Variants in CLEC1B observed in about 807,000 individuals in gnomAD.
CLEC1B encodes the protein C-type lectin domain family 1 member B.
A neutral mutation model predicts 26.7 loss-of-function variants in CLEC1B; 26 were observed. The ratio of observed to expected loss-of-function variants is 0.97; its 90% CI spans 0.71 to 1.35. The LOEUF (loss-of-function observed/expected upper bound fraction) is 1.35, where lower values mean the gene tolerates loss of function less well. Among genes scored for constraint, CLEC1B ranks in the 40% most tolerant of loss-of-function variants. CLEC1B has a pLI of 0.00. For synonymous variants in CLEC1B, 112 were observed against 96.0 expected, an observed-to-expected ratio of 1.17 and a Z score of -0.97; for missense variants, 293 against 282.6, an observed-to-expected ratio of 1.04 and a Z score of -0.26.
In CLEC1B at chr12:9,993,165, G is replaced by C; in HGVS notation, c.668C>G (p.Thr223Ser). 6.2e-7 allele frequency: 1 copy of C among 1,611,420 alleles called. No individual in the cohort carries two copies. The highest frequency in any genetic ancestry group is 2.2e-5 in the East Asian group (1 of 44,842). Residue 223 changes from threonine (T) to serine (S), a missense_variant, in exon 6 of 6, where the codon ACC becomes AGC. Coordinates refer to ENST00000298527, the MANE Select transcript of CLEC1B (RefSeq NM_016509.4). ...YLMCERKAGMTKVDQLP is the reference protein window; with the variant it reads ...YLMCERKAGMSKVDQLP ...GCATTAAGGTAGTTGGTCCACCTTG[G>C]TCATGCCAGCCTTCCTCTCACACAT...
intron 5 of CLEC1B, 195 bp downstream of exon 5, chr12:9,994,945 T>G (rs1864998829): frequency 1.4e-6 from 2 of 1,410,822 alleles, no homozygotes. Flanking sequence ...GATTGTGGCT[T>G]AGATAAAGAG....
rs910674408 is a variant in CLEC1B, at chr12:9,993,088, A to G, written c.*55T>C. The G allele has an allele frequency of 3.3e-6, 5 of 1,523,136 alleles. 1 individual carries two copies. The highest frequency in any genetic ancestry group is 3.7e-5 in the Admixed American group (2 of 53,658). 94.4% of individuals were successfully genotyped at this position (1,523,136 alleles called of 1,614,324 possible). A position where few individuals can be genotyped will look rare whatever the true frequency, so the allele number is the denominator to read the frequency against. On this transcript the variant is annotated 3_prime_UTR_variant, in exon 6 of 6. Transcript: ENST00000298527. Reference sequence around the variant, plus strand: ...TTCAGCTACTGATGCATTCATACATATCTTTTATTGTACAATAAAGCCCTT... The same window carrying G: ...TTCAGCTACTGATGCATTCATACATGTCTTTTATTGTACAATAAAGCCCTT...
chr12:10,001,342 C>A (rs1865156833), upstream of CLEC1B, among the ~76,000 whole-genome samples: 1 of 152,204 alleles, frequency 6.6e-6, no homozygotes, highest in South Asian at 2.1e-4. Context: ...TAGGTTAACA[C>A]TCCGCCTTTG....
intron 5 of CLEC1B, chr12:9,994,894 G>T (rs1864998081): frequency 1.0e-6 from 1 of 958,376 alleles, no homozygotes; most frequent in South Asian, 1.6e-5. Context: ...TGGTAAGGTT[G>T]AATGTAAAAA....
In CLEC1B at chr12:9,993,079, T is replaced by C; in HGVS notation, c.*64A>G. 6.8e-7 allele frequency: 1 copy of C among 1,472,470 alleles called. No homozygotes were observed. 91.2% of individuals were successfully genotyped at this position (1,472,470 alleles called of 1,614,324 possible). ...TAAGCAATTTTCAGCTACTGATGCA[T>C]TCATACATATCTTTTATTGTACAAT... On this transcript the variant is annotated 3_prime_UTR_variant, in exon 6 of 6. Transcript: ENST00000298527.
intron 1 of CLEC1B, 55 bp from the exon 2 acceptor site, chr12:9,998,435 G>C: frequency 7.3e-7 from 1 of 1,365,100 alleles, no homozygotes; most frequent in East Asian, 2.3e-5. Context: ...TAGCTATGGG[G>C]AAGGCTCACC....
chr12:9,996,605 T>A (rs35665084), intron 4 of CLEC1B: 1 of 115,430 alleles, frequency 8.7e-6, no homozygotes, highest in South Asian at 1.7e-4. Context: ...TGACCCACTA[T>A]GTACCTGAGC....
intron 5 of CLEC1B, 159 bp downstream of exon 5, chr12:9,994,981 A>G: frequency 5.3e-6 from 8 of 1,523,580 alleles, no homozygotes; most frequent in Non-Finnish European, 7.1e-6. Flanking sequence ...GAGGGGAAAG[A>G]ATTGTCTTAT....
At chr12:9,994,899 T>C in intron 5 of CLEC1B, 8 of 1,046,752 alleles carry the variant, frequency 7.6e-6, no homozygotes, top group Admixed American at 2.6e-5. Context: ...AGGTTGAATG[T>C]AAAAATGAAT....
At chr12:9,994,174 T>C (rs901158300) in intron 5 of CLEC1B, among the ~76,000 whole-genome samples, 1 of 152,070 alleles carries the variant, frequency 6.6e-6, no homozygotes, top group Non-Finnish European at 1.5e-5. Context: ...GAGATGGTCA[T>C]GGAGTTGTGG....
intron 5 of CLEC1B, among the ~76,000 whole-genome samples, chr12:9,993,510 T>G (rs1864949052): frequency 6.6e-6 from 1 of 151,998 alleles, no homozygotes; most frequent in African/African-American, 2.4e-5. Context: ...AGCATAAAAT[T>G]AGGAGCAAGG....
rs766360681 is a variant in CLEC1B at position 9,993,109 on chromosome 12, C to T, written c.*34G>A. On this transcript the variant is annotated 3_prime_UTR_variant, in exon 6 of 6. Transcript: ENST00000298527. ...ACATATCTTTTATTGTACAATAAAG[C>T]CCTTATCTGTGTTATCCTGTCCACC... 1.4e-5 allele frequency: 22 copies of T among 1,584,376 alleles called. No homozygotes were observed. The African/African-American group carries it at 2.3e-4, about 16-fold the overall frequency.
chr12:9,995,158 G>A lies in CLEC1B; in HGVS notation c.527C>T (p.Ser176Leu), dbSNP rs779949844. ...SNEVWKWEDG[S>L]VISENMFEFL... ...GACTTACATATTTTCTGAGATAACCGAGCCATCCTCCCACTTCCAGACCTC... is the reference window on the plus strand; with the variant it reads ...GACTTACATATTTTCTGAGATAACCAAGCCATCCTCCCACTTCCAGACCTC... The change falls in exon 5 of 6, where the codon TCG (serine) becomes TTG (leucine). Residue 176 changes from serine to leucine, a missense_variant. Coordinates refer to ENST00000298527, the MANE Select transcript of CLEC1B (RefSeq NM_016509.4). 9.9e-6 allele frequency: 16 copies of A among 1,612,590 alleles called. No individual in the cohort carries two copies. The highest frequency in any genetic ancestry group is 1.6e-4 in the Middle Eastern group (1 of 6,076).
At chr12:9,995,381 T>C in intron 4 of CLEC1B, 135 bp from the exon 5 acceptor site, 1 of 776,630 alleles carries the variant, frequency 1.3e-6, no homozygotes, top group Non-Finnish European at 2.3e-6. Flanking sequence ...GGATTACATT[T>C]GATGTTTGAA....
chr12:9,995,003 T>C, intron 5 of CLEC1B, 137 bp downstream of exon 5: 1 of 1,562,806 alleles, frequency 6.4e-7, no homozygotes, highest in Middle Eastern at 1.7e-4. Context: ...ACCAGCGCTG[T>C]CTTGTTTGAA....
chr12:9,999,497 G>T (rs963907617), upstream of CLEC1B, among the ~76,000 whole-genome samples: 7 of 152,068 alleles, frequency 4.6e-5, no homozygotes, highest in African/African-American at 1.7e-4. Context: ...AGAGATTTCT[G>T]CTGAAAATTC....
At chr12:9,995,613 GC>G (rs1338789652) in intron 4 of CLEC1B, 1 of 333,074 alleles carries the variant, frequency 3.0e-6, no homozygotes, top group Non-Finnish European at 5.8e-6. Context: ...TTGTTGATGA[GC>G]TGTATATTCC....
chr12:10,001,250 G>A (rs1591855355), upstream of CLEC1B, among the ~76,000 whole-genome samples: 3 of 152,166 alleles, frequency 2.0e-5, no homozygotes, highest in South Asian at 6.2e-4. Context: ...CATGTCCCAT[G>A]TATTTTTGTA....
intron 5 of CLEC1B, 101 bp from the exon 6 acceptor site, chr12:9,993,388 G>C: frequency 2.0e-6 from 1 of 495,736 alleles, no homozygotes; most frequent in Non-Finnish European, 3.1e-6. Context: ...AGAGACTGAG[G>C]AAAATAGGAA....
Sources: allele counts gnomAD v4.1 joint callset (sites outside exome capture counted in the v4.1 genomes callset), GRCh38; gene constraint gnomAD v4.1.1; transcripts MANE v1.5; gene names NCBI Gene and HGNC (gene_info 2026-07-23, HGNC 2026-07-21).